ANXA3: variants seen among roughly 807,000 people sequenced by gnomAD.
ANXA3 encodes annexin A3.
Under a neutral mutation model 48.8 loss-of-function variants are expected in ANXA3, and 46 were observed. The observed-to-expected ratio is 0.94, with a 90% confidence interval of 0.74 to 1.21. The LOEUF is 1.21. Ranked by LOEUF, ANXA3 falls within the 50% of genes most tolerant of loss-of-function variation. The pLI is 0.00. For synonymous variants in ANXA3, 128 were observed against 134.7 expected (o/e 0.95, Z 0.35); for missense variants, 383 against 378.6 (o/e 1.01, Z -0.10).
At chr4:78,552,536 G>A (rs1169041965) in intron 1 of ANXA3, among the ~76,000 whole-genome samples, 1 of 152,114 alleles carries the variant, frequency 6.6e-6, no homozygotes, top group Admixed American at 6.6e-5. Flanking sequence ...TGGTATTTGA[G>A]TCACCAGGTG....
chr4:78,564,412 A>G (rs1369078517), intron 2 of ANXA3, among the ~76,000 whole-genome samples: 1 of 143,516 alleles, frequency 7.0e-6, no homozygotes, highest in South Asian at 2.3e-4. Flanking sequence ...TAGAGCTTGG[A>G]GAAAGTCCAC....
At chr4:78,591,511 T>C in intron 6 of ANXA3, 33 bp from the exon 7 acceptor site, 1 of 1,471,160 alleles carries the variant, frequency 6.8e-7, no homozygotes, top group Non-Finnish European at 9.4e-7. Context: ...TTTCAGTTTG[T>C]CAAGGCTTAA....
At chr4:78,594,842 C>A (rs1412636538) in intron 7 of ANXA3, among the ~76,000 whole-genome samples, 1 of 152,094 alleles carries the variant, frequency 6.6e-6, no homozygotes, top group Non-Finnish European at 1.5e-5. Context: ...CACATAAGAC[C>A]TCTGTGTTGG....
intron 11 of ANXA3, 163 bp from the exon 12 acceptor site, chr4:78,604,114 C>T (rs553774569): frequency 1.7e-5 from 11 of 641,798 alleles, no homozygotes; most frequent in Middle Eastern, 9.3e-4. Context: ...AGGTGCTCAA[C>T]AAATATTTCT....
intron 12 of ANXA3, 103 bp downstream of exon 12, chr4:78,604,502 C>G (rs1334952446): frequency 6.1e-6 from 6 of 982,658 alleles, no homozygotes; most frequent in Non-Finnish European, 5.8e-6. Context: ...TTAGATTTCT[C>G]TCTCCTTGTC....
intron 5 of ANXA3, among the ~76,000 whole-genome samples, chr4:78,582,584 A>G (rs889074807): frequency 2.6e-5 from 4 of 152,070 alleles, no homozygotes; most frequent in African/African-American, 9.7e-5. Context: ...CAAGCTAAAA[A>G]CCTAGCATTA....
chr4:78,582,172 T>G lies in ANXA3; in HGVS notation c.199-5T>G. 1 of 1,593,738 alleles carries G rather than the reference T, an allele frequency of 6.3e-7. No homozygotes were observed. Among genetic ancestry groups the G allele is most frequent in the Non-Finnish European group, 8.6e-7 (1 of 1,166,428 alleles). On this transcript the variant is annotated splice_region_variant and splice_polypyrimidine_tract_variant and intron_variant, in intron 4 of 12. Coordinates refer to ENST00000264908, the MANE Select transcript of ANXA3 (RefSeq NM_005139.3). ...ACATTTTTCCCCTTGGTTTTTTGAT[T>G]TTAGGAGCTGAAAGATGACTTGAAG... is the stretch of plus-strand genomic sequence containing the variant.
chr4:78,604,054 G>A (rs1723598959), intron 11 of ANXA3: 1 of 378,506 alleles, frequency 2.6e-6, no homozygotes, highest in Non-Finnish European at 4.6e-6. Context: ...AGCTTAACAT[G>A]GGTATCTCAT....
chr4:78,582,713 G>A (rs114489975), intron 5 of ANXA3, among the ~76,000 whole-genome samples: 3 of 152,254 alleles, frequency 2.0e-5, no homozygotes, highest in Non-Finnish European at 2.9e-5. Context: ...CATTGCTACT[G>A]TTCTAGTCTG....
intron 2 of ANXA3, among the ~76,000 whole-genome samples, chr4:78,558,348 C>G (rs1039950829): frequency 6.6e-6 from 1 of 152,240 alleles, no homozygotes. Flanking sequence ...GAACTATACA[C>G]TTAGAAATGG....
intron 7 of ANXA3, among the ~76,000 whole-genome samples, chr4:78,593,428 C>G (rs1174138153): frequency 6.6e-5 from 10 of 151,528 alleles, no homozygotes; most frequent in African/African-American, 2.4e-4. Flanking sequence ...TCTCAAACTC[C>G]TGACCTCAAT....
Position 78,579,127 on chromosome 4 carries a change from G to C in ANXA3, c.198+6G>C, listed in dbSNP as rs761922845. On this transcript the variant is annotated splice_donor_region_variant and intron_variant, in intron 4 of 12. Transcript: ENST00000264908. The stretch of plus-strand genomic sequence containing the variant: ...ATCAAGCAGCATATGGAAAGGTAAG[G>C]TCACATTAACATGACAGGCAGTAAA... 6.3e-7 allele frequency: 1 copy of C among 1,598,628 alleles called. No individual in the cohort carries two copies. The highest frequency in any genetic ancestry group is 1.1e-5 in the South Asian group (1 of 89,966).
chr4:78,582,299 C>T lies in ANXA3; in HGVS notation c.312+9C>T, dbSNP rs1723089181. The T allele has an allele frequency of 6.4e-7, 1 of 1,568,630 alleles. No homozygotes were observed. On this transcript the variant is annotated intron_variant, in intron 5 of 12. Transcript: ENST00000264908. ...TAAAGAAATCCATGAAGGTATGAGC[C>T]CCCCACAAGCCATTTCTGCCCAGGG...
chr4:78,595,105 C>G (rs947555197), intron 7 of ANXA3, among the ~76,000 whole-genome samples: 1 of 152,200 alleles, frequency 6.6e-6, no homozygotes, highest in African/African-American at 2.4e-5. Context: ...GGACTACACT[C>G]TGGCCTGGCC....
At chr4:78,565,484 T>C (rs1224237368) in intron 2 of ANXA3, among the ~76,000 whole-genome samples, 9 of 152,192 alleles carry the variant, frequency 5.9e-5, no homozygotes, top group Non-Finnish European at 1.3e-4. Flanking sequence ...GCCTTGCTGA[T>C]AGATGGAATT....
chr4:78,586,217 T>C, intron 5 of ANXA3, 43 bp from the exon 6 acceptor site: 1 of 1,498,566 alleles, frequency 6.7e-7, no homozygotes, highest in Non-Finnish European at 9.3e-7. Context: ...TGAGATTAAG[T>C]TATTTAAGTG....
In ANXA3 at chr4:78,554,468, G is replaced by A. The variant is rs369737910; in HGVS notation, c.-6G>A. 4.3e-6 allele frequency: 7 copies of A among 1,612,712 alleles called. No homozygotes were observed. The highest frequency in any genetic ancestry group is 5.1e-6 in the Non-Finnish European group (6 of 1,179,330). On this transcript the variant is annotated 5_prime_UTR_variant, in exon 2 of 13. Transcript: ENST00000264908. ...TGATCTCAGCTCAAGGCAAAGGTGG[G>A]ATATCATGGCATCTATCTGGGTAAG...
rs950463745 is a variant in ANXA3, at chr4:78,597,218, A to G, written c.635-101A>G. 5.5e-6 allele frequency: 4 copies of G among 727,254 alleles called. No homozygotes were observed. The African/African-American group carries it at 5.6e-5, about 10-fold the overall frequency. The allele number at this position is 727,254 out of a possible 1,614,324, so 45.1% of individuals were successfully genotyped here. A position where few individuals can be genotyped will look rare whatever the true frequency, so the allele number is the denominator to read the frequency against. On this transcript the variant is annotated intron_variant, in intron 9 of 12. Coordinates refer to ENST00000264908, the MANE Select transcript of ANXA3 (RefSeq NM_005139.3). Reference sequence around the variant, plus strand: ...TCATGGTTTAAAGAGGGAGTTTTTTAGCTTGCTACTTGATCTTCTGCATAT... The same window carrying G: ...TCATGGTTTAAAGAGGGAGTTTTTTGGCTTGCTACTTGATCTTCTGCATAT...
intron 2 of ANXA3, among the ~76,000 whole-genome samples, chr4:78,557,683 G>GTT (rs1485912240): frequency 1.1e-5 from 1 of 92,574 alleles, no homozygotes; most frequent in African/African-American, 3.4e-5. Context: ...CTGTCTCTGG[G>GTT]TTTTTCTTTT....
Sources: allele counts gnomAD v4.1 joint callset (sites outside exome capture counted in the v4.1 genomes callset), GRCh38; gene constraint gnomAD v4.1.1; transcripts MANE v1.5; gene names NCBI Gene and HGNC (gene_info 2026-07-23, HGNC 2026-07-21).